GRAMD2A: variants seen among roughly 807,000 people sequenced by gnomAD.
GRAMD2A encodes GRAM domain-containing protein 2A.
Under a neutral mutation model 51.1 loss-of-function variants are expected in GRAMD2A, and 37 were observed. The ratio of observed to expected loss-of-function variants is 0.72; its 90% CI spans 0.56 to 0.95. The LOEUF is 0.95. Ranked by LOEUF, GRAMD2A falls within the 40% of genes least tolerant of loss-of-function variation. GRAMD2A has a pLI of 0.00. For synonymous variants in GRAMD2A, 136 were observed against 157.1 expected (o/e 0.87, Z 1.01); for missense variants, 414 against 426.9 (o/e 0.97, Z 0.27).
chr15:72,168,645 T>G, intron 3 of GRAMD2A, 79 bp from the exon 4 acceptor site: 1 of 1,210,536 alleles, frequency 8.3e-7, no homozygotes, highest in Admixed American at 1.7e-5. Flanking sequence ...CAACAGGAAA[T>G]GCCACAGCCC....
chr15:72,161,615 TCC>T lies in GRAMD2A; in HGVS notation c.*392_*393del. ...AGTGAGCTGTGTGGCAGAGCCACAT[TCC>T]AAATGCGAAAGCATGGCCTCTGTCC... On this transcript the variant is annotated 3_prime_UTR_variant, in exon 12 of 12. Transcript: ENST00000309731. The T allele has an allele frequency of 3.8e-6, 1 of 265,762 alleles. No homozygotes were observed. The highest frequency in any genetic ancestry group is 7.4e-6 in the Non-Finnish European group (1 of 135,926). The allele number at this position is 265,762 out of a possible 1,614,324, so 16.5% of individuals were successfully genotyped here. A position where few individuals can be genotyped will look rare whatever the true frequency, so the allele number is the denominator to read the frequency against.
chr15:72,170,248 G>C lies in GRAMD2A; in HGVS notation c.42-309C>G. On this transcript the variant is annotated intron_variant, in intron 1 of 11. Coordinates refer to ENST00000309731, the MANE Select transcript of GRAMD2A (RefSeq NM_001012642.3). The surrounding 1 kb of genome is among the most constrained non-coding windows in gnomAD (Gnocchi z 4.5). ...CCAGGCAGCTCGTAGGCCAGGCTGA[G>C]TGAGGCCTCTAGCCCCACCCTTGAG... 1.9e-6 allele frequency: 1 copy of C among 530,134 alleles called. No individual in the cohort carries two copies. The highest frequency in any genetic ancestry group is 3.6e-6 in the Non-Finnish European group (1 of 275,752). The allele number at this position is 530,134 out of a possible 1,614,324, so 32.8% of individuals were successfully genotyped here. A position where few individuals can be genotyped will look rare whatever the true frequency, so the allele number is the denominator to read the frequency against.
intron 7 of GRAMD2A, among the ~76,000 whole-genome samples, chr15:72,165,931 C>T (rs1425351470): frequency 6.6e-6 from 1 of 151,924 alleles, no homozygotes; most frequent in Non-Finnish European, 1.5e-5. Context: ...GGCAATGGTG[C>T]AATCTCGGCT....
At chr15:72,197,689 T>C (rs2081821130) in intron 1 of GRAMD2A, 42 bp downstream of exon 1, 1 of 1,276,966 alleles carries the variant, frequency 7.8e-7, no homozygotes. Flanking sequence ...CGCGGCGGCC[T>C]CCGGAACCCC....
chr15:72,165,065 G>A (rs2081526866), intron 8 of GRAMD2A, among the ~76,000 whole-genome samples: 1 of 152,264 alleles, frequency 6.6e-6, no homozygotes, highest in African/African-American at 2.4e-5. Context: ...CTTGAACCCA[G>A]CAGGTGGAAG....
Position 72,161,828 on chromosome 15 carries a change from G to A in GRAMD2A, c.*181C>T, listed in dbSNP as rs1475483751. On this transcript the variant is annotated 3_prime_UTR_variant, in exon 12 of 12. Coordinates refer to ENST00000309731, the MANE Select transcript of GRAMD2A (RefSeq NM_001012642.3). ...TAGAAGCCAGTTACTTTGTAAACACGTACTTCAGATCTCTCATAGAGGGAA... is the reference window on the plus strand; with the variant it reads ...TAGAAGCCAGTTACTTTGTAAACACATACTTCAGATCTCTCATAGAGGGAA... 11 of 637,736 alleles carry A rather than the reference G, an allele frequency of 1.7e-5. No homozygotes were observed. Among genetic ancestry groups the A allele is most frequent in the South Asian group, 1.4e-4 (7 of 49,172 alleles). The allele number at this position is 637,736 out of a possible 1,614,324, so 39.5% of individuals were successfully genotyped here. A position where few individuals can be genotyped will look rare whatever the true frequency, so the allele number is the denominator to read the frequency against.
At chr15:72,165,605 C>T (rs942473686) in intron 7 of GRAMD2A, among the ~76,000 whole-genome samples, 195 bp from the exon 8 acceptor site, 1 of 152,204 alleles carries the variant, frequency 6.6e-6, no homozygotes, top group African/African-American at 2.4e-5. Context: ...AGGAAACTTA[C>T]TCTCCCACCT....
chr15:72,196,164 C>T (rs1458092336), intron 1 of GRAMD2A, among the ~76,000 whole-genome samples: 1 of 152,150 alleles, frequency 6.6e-6, no homozygotes, highest in African/African-American at 2.4e-5. Context: ...CAAACTAAAA[C>T]TTAAACCTAA....
At chr15:72,197,437 G>T (rs2140565316) in intron 1 of GRAMD2A, among the ~76,000 whole-genome samples, 1 of 152,300 alleles carries the variant, frequency 6.6e-6, no homozygotes, top group Non-Finnish European at 1.5e-5. Context: ...CCCGAGGAGG[G>T]TGCCCTTCCT....
chr15:72,179,538 C>A (rs1349864156), intron 1 of GRAMD2A, among the ~76,000 whole-genome samples: 1 of 152,220 alleles, frequency 6.6e-6, no homozygotes, highest in Non-Finnish European at 1.5e-5. Context: ...TGGGCCAGGC[C>A]TCCAGTCTAG....
chr15:72,167,711 G>A, intron 5 of GRAMD2A, 25 bp downstream of exon 5: 1 of 1,557,662 alleles, frequency 6.4e-7, no homozygotes, highest in Non-Finnish European at 8.9e-7. Flanking sequence ...ACAGGGTCAT[G>A]GCAGCCCTCA....
chr15:72,162,978 C>G, intron 10 of GRAMD2A: 1 of 361,622 alleles, frequency 2.8e-6, no homozygotes, highest in Non-Finnish European at 5.0e-6. Flanking sequence ...TTTCCTGGCC[C>G]TCCTTCTCCC....
intron 1 of GRAMD2A, among the ~76,000 whole-genome samples, chr15:72,194,400 A>G (rs2081790552): frequency 6.6e-6 from 1 of 152,186 alleles, no homozygotes; most frequent in Admixed American, 6.6e-5. Context: ...GACGGGGAAT[A>G]AGTTTTATTT....
rs754638427 is a variant in GRAMD2A, at chr15:72,194,802, C to T, written c.41+2929G>A. ...TCCCAGGTTCCAGAGATTCTCCAGC[C>T]TCAACCTCCCAGGTAGCTGGGATTA... On this transcript the variant is annotated intron_variant, in intron 1 of 11. Coordinates refer to ENST00000309731, the MANE Select transcript of GRAMD2A (RefSeq NM_001012642.3). Among the ~76,000 whole-genome samples the T allele has an allele frequency of 8.6e-4, 131 of 152,168 alleles. 2 individuals carry two copies. Among genetic ancestry groups the T allele is most frequent in the Non-Finnish European group, 1.7e-3 (116 of 68,018 alleles).
At position 72,182,482 on chromosome 15, in the gene GRAMD2A, G is replaced by A. The variant is rs566960333; in HGVS notation, c.42-12543C>T. Reference sequence around the variant, plus strand: ...TGATCTCTTAGATATGACACCGAAAGCATAAGAAACAGAAGAAAAAAACAG... The same window carrying A: ...TGATCTCTTAGATATGACACCGAAAACATAAGAAACAGAAGAAAAAAACAG... On this transcript the variant is annotated intron_variant, in intron 1 of 11. Coordinates refer to ENST00000309731, the MANE Select transcript of GRAMD2A (RefSeq NM_001012642.3). 4.0e-5 allele frequency among the ~76,000 whole-genome samples: 6 copies of A among 150,280 alleles called. No homozygotes were observed. The East Asian group carries it at 9.8e-4, about 24-fold the overall frequency.
At chr15:72,177,043 AT>A (rs200829334) in intron 1 of GRAMD2A, among the ~76,000 whole-genome samples, 1 of 150,126 alleles carries the variant, frequency 6.7e-6, no homozygotes, top group African/African-American at 2.5e-5. Context: ...TTTTTAAAAA[AT>A]TTTTTTATAG....
At chr15:72,190,195 T>A (rs1326650723) in intron 1 of GRAMD2A, among the ~76,000 whole-genome samples, 2 of 151,946 alleles carry the variant, frequency 1.3e-5, no homozygotes, top group Non-Finnish European at 2.9e-5. Context: ...GCTAACATGG[T>A]GAAACCCCGT....
chr15:72,193,077 T>G lies in GRAMD2A; in HGVS notation c.41+4654A>C, dbSNP rs370089962. ...GGAGGCGGAGTTTGCAGTGAGCTGA[T>G]ATCGTGCCATTGCACTCTAGCCTGG... On this transcript the variant is annotated intron_variant, in intron 1 of 11. Transcript: ENST00000309731. 7.8e-4 allele frequency among the ~76,000 whole-genome samples: 118 copies of G among 151,876 alleles called. 1 individual carries two copies. Among genetic ancestry groups the G allele is most frequent in the Middle Eastern group, 3.4e-3 (1 of 294 alleles).
At chr15:72,192,222 C>T (rs1405309369) in intron 1 of GRAMD2A, among the ~76,000 whole-genome samples, 2 of 152,142 alleles carry the variant, frequency 1.3e-5, no homozygotes, top group Non-Finnish European at 2.9e-5. Flanking sequence ...TGGGTACATG[C>T]CACTTATTAT....
Sources: gnomAD v4.1 joint callset for allele counts (sites outside exome capture counted in the v4.1 genomes callset) on GRCh38, gnomAD v4.1.1 for gene constraint, Gnocchi (gnomAD v3.1) non-coding constraint, MANE v1.5 for transcripts, NCBI Gene and HGNC (gene_info 2026-07-23, HGNC 2026-07-21) for gene names.